Variants in DDX10 observed in about 807,000 individuals in gnomAD.
DDX10 encodes DEAD-box helicase 10, also known as probable ATP-dependent RNA helicase DDX10.
In DDX10, 74 loss-of-function variants were observed where a neutral mutation model predicts 104.3. The ratio of observed to expected loss-of-function variants is 0.71; its 90% confidence interval spans 0.59 to 0.86. The LOEUF (loss-of-function observed/expected upper bound fraction) is 0.86, where lower values mean the gene tolerates loss of function less well. DDX10 is among the 40% of genes least tolerant of loss of function. The pLI, the probability that DDX10 is intolerant of heterozygous loss-of-function variation, is 0.00. For synonymous variants in DDX10, 351 were observed against 353.4 expected, an observed-to-expected ratio of 0.99 and a Z score of 0.08; for missense variants, 952 against 1,040.0, an observed-to-expected ratio of 0.92 and a Z score of 1.16.
chr11:108,900,538 T>C (rs547147926), intron 16 of DDX10, among the ~76,000 whole-genome samples: 34 of 152,344 alleles, frequency 2.2e-4, no homozygotes, highest in African/African-American at 7.7e-4. Context: ...TAAGACACTT[T>C]ATTTTCTCAT....
intron 6 of DDX10, among the ~76,000 whole-genome samples, chr11:108,686,601 T>C (rs1028776406): frequency 1.3e-5 from 2 of 152,188 alleles, no homozygotes; most frequent in Admixed American, 6.5e-5. Context: ...TGAATAATAT[T>C]CCATTGTCTG....
chr11:108,822,181 A>G (rs1013133365), intron 13 of DDX10, among the ~76,000 whole-genome samples: 3 of 152,240 alleles, frequency 2.0e-5, no homozygotes, highest in Non-Finnish European at 4.4e-5. Flanking sequence ...ACCACAGGCC[A>G]GTCTTAGTTT....
At chr11:108,845,126 T>C (rs1862696824) in intron 15 of DDX10, among the ~76,000 whole-genome samples, 1 of 152,212 alleles carries the variant, frequency 6.6e-6, no homozygotes, top group Non-Finnish European at 1.5e-5. Context: ...GAGAATGGCA[T>C]GAACCCGGGA....
At chr11:108,792,358 T>C (rs1861883135) in intron 13 of DDX10, among the ~76,000 whole-genome samples, 1 of 152,218 alleles carries the variant, frequency 6.6e-6, no homozygotes, top group Non-Finnish European at 1.5e-5. Context: ...CAAAGGTTTT[T>C]GTCCTTTGTT....
chr11:108,781,275 A>G (rs1425840504), intron 13 of DDX10, among the ~76,000 whole-genome samples: 1 of 152,132 alleles, frequency 6.6e-6, no homozygotes, highest in African/African-American at 2.4e-5. Flanking sequence ...TTCATGGTGT[A>G]TATGTGCCAT....
At chr11:108,879,874 T>A (rs1863203892) in intron 16 of DDX10, among the ~76,000 whole-genome samples, 3 of 152,196 alleles carry the variant, frequency 2.0e-5, no homozygotes, top group Non-Finnish European at 4.4e-5. Flanking sequence ...TTCTGTTGCT[T>A]CTTAAACCTA....
intron 13 of DDX10, among the ~76,000 whole-genome samples, chr11:108,826,579 C>G (rs1862398666): frequency 6.6e-6 from 1 of 152,178 alleles, no homozygotes. Context: ...CTTTCTGGGT[C>G]TCTTTATTTG....
intron 13 of DDX10, among the ~76,000 whole-genome samples, chr11:108,835,520 A>G (rs1035867094): frequency 2.6e-5 from 4 of 152,258 alleles, no homozygotes; most frequent in African/African-American, 9.6e-5. Context: ...CATTTTGAAC[A>G]AAGAATTGGA....
chr11:108,799,660 G>A (rs1220509302), intron 13 of DDX10, among the ~76,000 whole-genome samples: 1 of 152,178 alleles, frequency 6.6e-6, no homozygotes, highest in Non-Finnish European at 1.5e-5. Context: ...TCTAGTCTGA[G>A]TTTGTTTCCT....
At chr11:108,883,074 T>C (rs567685122) in intron 16 of DDX10, among the ~76,000 whole-genome samples, 50 of 152,294 alleles carry the variant, frequency 3.3e-4, no homozygotes, top group Non-Finnish European at 5.7e-4. Context: ...TTCCCCCCTC[T>C]CTTGACATGC....
At chr11:108,693,689 C>A in intron 9 of DDX10, 89 bp downstream of exon 9, 1 of 1,050,316 alleles carries the variant, frequency 9.5e-7, no homozygotes, top group Non-Finnish European at 1.5e-6. Flanking sequence ...AGAAAGGAAT[C>A]AGGTAAGTGA....
intron 16 of DDX10, among the ~76,000 whole-genome samples, chr11:108,900,898 A>AAG (rs1442029459): frequency 6.6e-6 from 1 of 152,192 alleles, no homozygotes; most frequent in Non-Finnish European, 1.5e-5. Flanking sequence ...GTGCCTACAC[A>AAG]GTTCATGTCT....
intron 10 of DDX10, among the ~76,000 whole-genome samples, chr11:108,712,400 G>C (rs562623534): frequency 6.6e-6 from 1 of 151,636 alleles, no homozygotes; most frequent in East Asian, 1.9e-4. Context: ...TCAGCCTCTT[G>C]TGATTCTGAG....
At chr11:108,759,601 G>A (rs905610122) in intron 13 of DDX10, among the ~76,000 whole-genome samples, 4 of 151,938 alleles carry the variant, frequency 2.6e-5, no homozygotes, top group South Asian at 2.1e-4. Context: ...AGTTTTTATA[G>A]CCAACAACTC....
intron 13 of DDX10, among the ~76,000 whole-genome samples, chr11:108,750,369 A>G (rs1011043163): frequency 3.9e-5 from 6 of 152,228 alleles, no homozygotes; most frequent in African/African-American, 1.4e-4. Context: ...CACTTGCCAA[A>G]TGTCATAATA....
chr11:108,806,368 C>T (rs1240759511), intron 13 of DDX10, among the ~76,000 whole-genome samples: 1 of 152,142 alleles, frequency 6.6e-6, no homozygotes, highest in Non-Finnish European at 1.5e-5. Context: ...GTGATAGAGA[C>T]ATGAGAGTGT....
At chr11:108,708,571 ATTTT>A (rs202129373) in intron 10 of DDX10, among the ~76,000 whole-genome samples, 3 of 143,366 alleles carry the variant, frequency 2.1e-5, no homozygotes, top group African/African-American at 7.7e-5. Context: ...TGTTCATAGT[ATTTT>A]TTTTTTTTTT....
At chr11:108,753,490 T>G (rs1565268165) in intron 13 of DDX10, among the ~76,000 whole-genome samples, 1 of 152,064 alleles carries the variant, frequency 6.6e-6, no homozygotes, top group South Asian at 2.1e-4. Flanking sequence ...ACAAAAAATT[T>G]TGATAAGCAT....
intron 13 of DDX10, among the ~76,000 whole-genome samples, chr11:108,729,358 T>C (rs1316634703): frequency 6.6e-6 from 1 of 152,148 alleles, no homozygotes; most frequent in East Asian, 1.9e-4. Flanking sequence ...CACAGCTTGC[T>C]CCTGGCCTGA....
Sources: gnomAD v4.1 joint callset for allele counts (sites outside exome capture counted in the v4.1 genomes callset) on GRCh38, gnomAD v4.1.1 for gene constraint, MANE v1.5 for transcripts, NCBI Gene and HGNC (gene_info 2026-07-23, HGNC 2026-07-21) for gene names.